HMOX2: variants seen among roughly 807,000 people sequenced by gnomAD.
HMOX2 encodes heme oxygenase (decycling) 2.
In HMOX2, 30 loss-of-function variants were observed where a neutral mutation model predicts 33.7. The ratio of observed to expected loss-of-function variants is 0.89; its 90% CI spans 0.67 to 1.21. HMOX2 has a LOEUF of 1.21. HMOX2 is among the 50% of genes most tolerant of loss of function. HMOX2 has a pLI of 0.00. For synonymous variants in HMOX2, 155 were observed against 155.0 expected, an observed-to-expected ratio of 1.00 and a Z score of 0.00; for missense variants, 403 against 399.1, an observed-to-expected ratio of 1.01 and a Z score of -0.08.
chr16:4,509,949 G>A lies in HMOX2; in HGVS notation c.*193G>A. The A allele has an allele frequency of 3.1e-6, 2 of 641,992 alleles. No homozygotes were observed. Among genetic ancestry groups the A allele is most frequent in the South Asian group, 4.0e-5 (2 of 50,064 alleles). The allele number at this position is 641,992 out of a possible 1,614,324, so 39.8% of individuals were successfully genotyped here. On this transcript the variant is annotated 3_prime_UTR_variant, in exon 6 of 6. Coordinates refer to ENST00000570646, the MANE Select transcript of HMOX2 (RefSeq NM_002134.4). Reference sequence around the variant, plus strand: ...CTCTATGGGCCATATTCCGCACTGGGCACAGGCCGTCACCCTGGGAGCAGT... The same window carrying A: ...CTCTATGGGCCATATTCCGCACTGGACACAGGCCGTCACCCTGGGAGCAGT...
At chr16:4,478,525 C>T (rs1030853644) in intron 1 of HMOX2, among the ~76,000 whole-genome samples, 2 of 151,392 alleles carry the variant, frequency 1.3e-5, no homozygotes, top group Non-Finnish European at 2.9e-5. Context: ...CCGAGATGGG[C>T]GGATCACCTG....
At chr16:4,505,674 C>A in intron 2 of HMOX2, 64 bp downstream of exon 2, 1 of 1,176,562 alleles carries the variant, frequency 8.5e-7, no homozygotes, top group Non-Finnish European at 1.2e-6. Context: ...CTCAGCACAC[C>A]TGGTTTTGTC....
At chr16:4,481,486 G>T (rs908766935) in intron 1 of HMOX2, among the ~76,000 whole-genome samples, 3 of 152,142 alleles carry the variant, frequency 2.0e-5, no homozygotes, top group Non-Finnish European at 4.4e-5. Context: ...CTGTCATTGA[G>T]CATACAGGTG....
chr16:4,508,061 C>A lies in HMOX2; in HGVS notation c.553C>A (p.Gln185Lys). 1.2e-6 allele frequency: 2 copies of A among 1,614,140 alleles called. No homozygotes were observed. Among genetic ancestry groups the A allele is most frequent in the Non-Finnish European group, 1.7e-6 (2 of 1,180,028 alleles). Residue 185 changes from glutamine to lysine, a missense_variant, in exon 4 of 6, where the codon CAG becomes AAG. Gln to Lys is a moderately conservative substitution (Grantham distance 53). Transcript: ENST00000570646. ...ACTCCCCAGCACAGGGGAAGGGACC[C>A]AGTTCTACCTGTTTGAGAATGTGGA... is the stretch of plus-strand genomic sequence containing the variant. ...LKLPSTGEGTQFYLFENVDNA... is the reference protein window; with the variant it reads ...LKLPSTGEGTKFYLFENVDNA...
rs2058607704 is a variant in HMOX2, at chr16:4,503,341, G to T, written c.-41-2143G>T. On this transcript the variant is annotated intron_variant, in intron 1 of 5. Coordinates refer to ENST00000570646, the MANE Select transcript of HMOX2 (RefSeq NM_002134.4). ...CTCCCCCAGCCCTGCCCCAAATCCT[G>T]TCTGTGTTGAGGGTCCTGCCCCAGG... 3.9e-5 allele frequency among the ~76,000 whole-genome samples: 6 copies of T among 152,046 alleles called. No homozygotes were observed. The South Asian group carries it at 1.2e-3, about 32-fold the overall frequency.
chr16:4,499,297 A>G (rs1184170410), intron 1 of HMOX2, among the ~76,000 whole-genome samples: 1 of 152,360 alleles, frequency 6.6e-6, no homozygotes, highest in East Asian at 1.9e-4. Flanking sequence ...AAAAGCTGGT[A>G]TTTATGCACG....
chr16:4,475,913 T>G (rs1200751980), upstream of HMOX2: 1 of 152,228 alleles, frequency 6.6e-6, no homozygotes, highest in Non-Finnish European at 1.5e-5. Context: ...CACTCCAGCC[T>G]GGGCGACGAG....
chr16:4,495,903 C>G (rs1346111989), intron 1 of HMOX2: 1 of 152,208 alleles, frequency 6.6e-6, no homozygotes, highest in Non-Finnish European at 1.5e-5. Flanking sequence ...TTTTCAGGCA[C>G]TGAGTGGTGG....
intron 1 of HMOX2, chr16:4,488,863 C>T (rs2058239781): frequency 6.7e-6 from 1 of 148,620 alleles, no homozygotes; most frequent in Non-Finnish European, 1.5e-5. Flanking sequence ...CTCACTCTGT[C>T]ACCCAGGCTG....
chr16:4,500,514 C>T (rs2141588294), intron 1 of HMOX2, among the ~76,000 whole-genome samples: 1 of 152,288 alleles, frequency 6.6e-6, no homozygotes, highest in South Asian at 2.1e-4. Context: ...CTGTTGCTTA[C>T]TCTCGGTGCT....
At chr16:4,490,895 G>T (rs1213562255) in intron 1 of HMOX2, among the ~76,000 whole-genome samples, 1 of 152,194 alleles carries the variant, frequency 6.6e-6, no homozygotes, top group East Asian at 1.9e-4. Context: ...TTTTGGGCTA[G>T]ATTGTTTGTG....
At chr16:4,489,018 G>T (rs1346581682) in intron 1 of HMOX2, among the ~76,000 whole-genome samples, 1 of 151,916 alleles carries the variant, frequency 6.6e-6, no homozygotes, top group Non-Finnish European at 1.5e-5. Context: ...TGTAGAGACA[G>T]GGTTTTTGCC....
At chr16:4,507,034 C>T (rs1170509255) in intron 3 of HMOX2, 22 bp downstream of exon 3, 1 of 1,488,542 alleles carries the variant, frequency 6.7e-7, no homozygotes, top group African/African-American at 1.4e-5. Flanking sequence ...GCATTGGGTT[C>T]CAGACTGTCA....
intron 1 of HMOX2, among the ~76,000 whole-genome samples, chr16:4,491,383 C>G (rs1227020777): frequency 6.6e-6 from 1 of 152,116 alleles, no homozygotes; most frequent in Non-Finnish European, 1.5e-5. Context: ...GGCACTATGG[C>G]CCACTCCTGT....
At chr16:4,480,742 TC>T (rs2058004922) in intron 1 of HMOX2, among the ~76,000 whole-genome samples, 1 of 148,508 alleles carries the variant, frequency 6.7e-6, no homozygotes, top group Non-Finnish European at 1.5e-5. Context: ...AACTTCCACC[TC>T]CCAGGTTTAA....
At chr16:4,494,140 C>T (rs914782371) in intron 1 of HMOX2, among the ~76,000 whole-genome samples, 1 of 151,978 alleles carries the variant, frequency 6.6e-6, no homozygotes, top group African/African-American at 2.4e-5. Context: ...CACGGTGAAA[C>T]CCCGTATCTA....
chr16:4,506,051 T>C (rs1252395280), intron 2 of HMOX2, among the ~76,000 whole-genome samples: 1 of 152,094 alleles, frequency 6.6e-6, no homozygotes, highest in Non-Finnish European at 1.5e-5. Context: ...CATTAGCCTC[T>C]CATAGCCCTG....
At chr16:4,481,420 G>A (rs999579247) in intron 1 of HMOX2, among the ~76,000 whole-genome samples, 3 of 151,602 alleles carry the variant, frequency 2.0e-5, no homozygotes, top group African/African-American at 7.3e-5. Context: ...AGTTAATCTA[G>A]TTGACTGGCT....
intron 4 of HMOX2, 96 bp downstream of exon 4, chr16:4,508,300 G>A (rs1315763254): frequency 2.2e-6 from 3 of 1,366,028 alleles, no homozygotes; most frequent in Admixed American, 4.5e-5. Context: ...CATGGCATTA[G>A]GACAGATGAG....
Sources: allele counts gnomAD v4.1 joint callset (sites outside exome capture counted in the v4.1 genomes callset), GRCh38; gene constraint gnomAD v4.1.1; transcripts MANE v1.5; gene names NCBI Gene and HGNC (gene_info 2026-07-23, HGNC 2026-07-21).